Variants in SVOPL observed in about 807,000 individuals in gnomAD.
SVOPL encodes the protein putative transporter SVOPL.
Under a neutral mutation model 61.0 loss-of-function variants are expected in SVOPL, and 60 were observed. The ratio of observed to expected loss-of-function variants is 0.98; its 90% confidence interval spans 0.80 to 1.22. SVOPL has a LOEUF of 1.22. Among genes scored for constraint, SVOPL ranks in the 50% most tolerant of loss-of-function variants. The pLI, the probability that SVOPL is intolerant of heterozygous loss-of-function variation, is 0.00. For missense variants in SVOPL, 662 were observed against 643.9 expected, an observed-to-expected ratio of 1.03 and a Z score of -0.30; for synonymous variants, 279 against 250.0, an observed-to-expected ratio of 1.12 and a Z score of -1.09.
intron 5 of SVOPL, chr7:138,660,519 T>TG: frequency 1.0e-6 from 1 of 986,046 alleles, no homozygotes; most frequent in Non-Finnish European, 1.2e-6. Context: ...TGTTAATGGC[T>TG]GGCTATAAAT....
At chr7:138,678,043 G>A (rs1246209367) in intron 3 of SVOPL, among the ~76,000 whole-genome samples, 1 of 152,134 alleles carries the variant, frequency 6.6e-6, no homozygotes, top group Non-Finnish European at 1.5e-5. Flanking sequence ...TGGGATTGCA[G>A]GTGTCAGCCA....
At position 138,596,988 on chromosome 7, in the gene SVOPL, G is replaced by A. The variant is rs189262146; in HGVS notation, c.1354-458C>T. On this transcript the variant is annotated intron_variant, in intron 14 of 15. Coordinates refer to ENST00000674285, the MANE Select transcript of SVOPL (RefSeq NM_001139456.2). ...TTTTTGGAAGAGGTGTTATCTCAGA[G>A]TCTCTGAAAGGATTGCTAATGTGTC... is the stretch of plus-strand genomic sequence containing the variant. The A allele has an allele frequency of 4.1e-4, 472 of 1,137,960 alleles. 1 individual carries two copies. The African/African-American group carries it at 7.3e-3, about 18-fold the overall frequency. The allele number at this position is 1,137,960 out of a possible 1,614,324, so 70.5% of individuals were successfully genotyped here.
At chr7:138,656,845 C>T (rs914579694) in intron 6 of SVOPL, among the ~76,000 whole-genome samples, 94 of 152,160 alleles carry the variant, frequency 6.2e-4, no homozygotes, top group African/African-American at 1.9e-3. Flanking sequence ...GAGTTCGAGA[C>T]CAGCCTGGAC....
intron 13 of SVOPL, among the ~76,000 whole-genome samples, chr7:138,622,006 GTATCTATCTATGTATCTATCTATC>G (rs1799622022): frequency 1.1e-4 from 1 of 8,830 alleles, no homozygotes; most frequent in East Asian, 3.0e-3. Flanking sequence ...ATCTATCTAT[GTATCTATCTATGTATCTATCTATC>G]TATCTATGTA....
chr7:138,689,564 GA>G (rs113396709), intron 1 of SVOPL: 106,026 of 311,428 alleles, frequency 0.34, 10,877 homozygotes, highest in African/African-American at 0.48. Context: ...AGTAAAAAAA[GA>G]AAAAAAAAAA....
chr7:138,620,101 C>A (rs903859425), intron 14 of SVOPL, among the ~76,000 whole-genome samples: 1 of 136,146 alleles, frequency 7.3e-6, no homozygotes, highest in African/African-American at 2.8e-5. Flanking sequence ...TTTTTTTTTT[C>A]TTTTTTGTTT....
Position 138,621,017 on chromosome 7 carries a change from C to A in SVOPL, c.1353+29G>T. The A allele has an allele frequency of 2.5e-6, 4 of 1,604,596 alleles. No individual in the cohort carries two copies. The South Asian group carries it at 3.3e-5, about 13-fold the overall frequency. On this transcript the variant is annotated intron_variant, in intron 14 of 15. Transcript: ENST00000674285. ...CCTCTTACCCCCTCTCTCAGACTCT[C>A]TCTCTCCCTGCAGGGTCCTTGGCTG...
chr7:138,628,082 C>T, intron 11 of SVOPL, 76 bp downstream of exon 11: 1 of 1,541,774 alleles, frequency 6.5e-7, no homozygotes, highest in Non-Finnish European at 8.9e-7. Context: ...CACAGGGTCA[C>T]ACTTCTCTCA....
chr7:138,643,282 GGGCAT>G (rs1239451038), intron 9 of SVOPL, among the ~76,000 whole-genome samples: 1 of 151,910 alleles, frequency 6.6e-6, no homozygotes, highest in Admixed American at 6.6e-5. Context: ...AAAATTAGCT[GGGCAT>G]GGTGGCAGGC....
chr7:138,682,306 G>A (rs977152281), intron 1 of SVOPL, among the ~76,000 whole-genome samples: 2 of 152,152 alleles, frequency 1.3e-5, no homozygotes, highest in African/African-American at 4.8e-5. Flanking sequence ...TAACACCATG[G>A]AAACAGAGAC....
At position 138,659,380 on chromosome 7, in the gene SVOPL, C is replaced by T. The variant is rs1409437498; in HGVS notation, c.470+484G>A. Among the ~76,000 whole-genome samples, 4 of 151,944 alleles carry T rather than the reference C, an allele frequency of 2.6e-5. No homozygotes were observed. In the East Asian group the frequency reaches 5.8e-4, roughly 22 times the overall value. ...TGATGGCAGGCATCTGTAATCCCAG[C>T]TACTTGGAGGCTGAGGCAAAAGAAT... is the stretch of plus-strand genomic sequence containing the variant. On this transcript the variant is annotated intron_variant, in intron 6 of 15. Coordinates refer to ENST00000674285, the MANE Select transcript of SVOPL (RefSeq NM_001139456.2).
At chr7:138,676,537 G>A (rs1802565946) in intron 3 of SVOPL, among the ~76,000 whole-genome samples, 1 of 147,006 alleles carries the variant, frequency 6.8e-6, no homozygotes, top group South Asian at 2.1e-4. Context: ...CCATTCACGA[G>A]GGAGGAGTCC....
intron 7 of SVOPL, 72 bp from the exon 8 acceptor site, chr7:138,649,209 T>G: frequency 6.7e-7 from 1 of 1,500,862 alleles, no homozygotes; most frequent in Admixed American, 2.3e-5. Context: ...AGGAAAAATA[T>G]ATATTTTTAG....
At chr7:138,660,259 C>T in intron 5 of SVOPL, 1 of 1,163,306 alleles carries the variant, frequency 8.6e-7, no homozygotes, top group Non-Finnish European at 1.1e-6. Context: ...TGAACTTGGA[C>T]ATCAAAAGGC....
In SVOPL at chr7:138,627,446, A is replaced by C. The variant is rs773196860; in HGVS notation, c.1085T>G (p.Ile362Arg). 169 of 1,613,406 alleles carry C rather than the reference A, an allele frequency of 1.0e-4. 4 individuals carry two copies. In the South Asian group the frequency reaches 1.6e-3, roughly 15 times the overall value. The change falls in exon 12 of 16, where the codon ATA becomes AGA. Residue 362 changes from isoleucine to arginine, a missense_variant. Transcript: ENST00000674285. ...IGEIALNPLNILGINFLGRRL... is the reference protein window; with the variant it reads ...IGEIALNPLNRLGINFLGRRL... ...TCTTCCCAGGAAATTGATGCCCAGT[A>C]TATTTAAAGGATTCACTAGAAAGCA...
rs1232768029 is a variant in SVOPL, at chr7:138,649,032, T to C, written c.640A>G (p.Ile214Val). 6.2e-7 allele frequency: 1 copy of C among 1,613,488 alleles called. No homozygotes were observed. Among genetic ancestry groups the C allele is most frequent in the Non-Finnish European group, 8.5e-7 (1 of 1,179,882 alleles). Residue 214 changes from isoleucine (I) to valine (V), a missense_variant, in exon 8 of 16, where the codon ATC becomes GTC. Transcript: ENST00000674285. Reference protein sequence around the residue: ...LIRVASIPGIILIVAFKFIPE... With the variant: ...LIRVASIPGIVLIVAFKFIPE... ...CCCACCTTGAAGGCCACGATGAGGATGATGCCCGGGATGGAGGCGACGCGA... is the reference window on the plus strand; with the variant it reads ...CCCACCTTGAAGGCCACGATGAGGACGATGCCCGGGATGGAGGCGACGCGA...
chr7:138,633,471 C>G (rs1292230952), intron 9 of SVOPL, among the ~76,000 whole-genome samples: 3 of 152,124 alleles, frequency 2.0e-5, no homozygotes, highest in African/African-American at 4.8e-5. Context: ...ATGTAACATG[C>G]CTGCTCCCTG....
At chr7:138,648,889 T>C in intron 8 of SVOPL, 123 bp downstream of exon 8, 1 of 1,462,088 alleles carries the variant, frequency 6.8e-7, no homozygotes, top group Non-Finnish European at 9.2e-7. Context: ...ACCTCTGCAC[T>C]GCAGCCTGGA....
At chr7:138,621,537 A>G (rs1799562916) in intron 13 of SVOPL, among the ~76,000 whole-genome samples, 1 of 152,120 alleles carries the variant, frequency 6.6e-6, no homozygotes, top group African/African-American at 2.4e-5. Context: ...AGCTAAGAGA[A>G]CTAACTAGAG....
Sources: allele counts gnomAD v4.1 joint callset (sites outside exome capture counted in the v4.1 genomes callset), GRCh38; gene constraint gnomAD v4.1.1; transcripts MANE v1.5; gene names NCBI Gene and HGNC (gene_info 2026-07-23, HGNC 2026-07-21).